PPFIA1: variants seen among roughly 807,000 people sequenced by gnomAD.
The protein encoded by PPFIA1 is liprin-alpha-1.
In PPFIA1, 25 loss-of-function variants were observed where a neutral mutation model predicts 149.9. That is an observed-to-expected ratio of 0.17 (90% CI 0.12 to 0.23). PPFIA1 has a LOEUF of 0.23. Ranked by LOEUF, PPFIA1 falls within the 10% of genes least tolerant of loss-of-function variation. The pLI is 1.00. For synonymous variants in PPFIA1, 549 were observed against 552.8 expected, an observed-to-expected ratio of 0.99 and a Z score of 0.10; for missense variants, 1,362 against 1,506.5, an observed-to-expected ratio of 0.90 and a Z score of 1.59.
intron 2 of PPFIA1, among the ~76,000 whole-genome samples, chr11:70,302,583 T>C (rs2052558997): frequency 1.3e-5 from 2 of 152,172 alleles, no homozygotes; most frequent in Non-Finnish European, 2.9e-5. Context: ...CGTTTTCTGG[T>C]AGGCAATGTC....
chr11:70,326,694 T>A lies in PPFIA1; in HGVS notation c.806T>A (p.Met269Lys). 1 of 1,614,044 alleles carries A rather than the reference T, an allele frequency of 6.2e-7. No homozygotes were observed. The highest frequency in any genetic ancestry group is 1.7e-5 in the Admixed American group (1 of 60,006). ...ISKQSREQSQ[M>K]KERLASLSSH... is the part of the protein sequence containing the mutation. ...AAGCAGTCAAGGGAACAGAGCCAAATGAAAGAACGCCTGGCTTCCCTTTCC... is the reference window on the plus strand; with the variant it reads ...AAGCAGTCAAGGGAACAGAGCCAAAAGAAAGAACGCCTGGCTTCCCTTTCC... The change falls in exon 7 of 28, where the codon ATG becomes AAG. Residue 269 changes from methionine (M) to lysine (K), a missense_variant. Physicochemically the swap from Met to Lys is moderately conservative, Grantham distance 95. This residue lies in a region of PPFIA1 where 733 missense variants were observed against 744.1 expected (regional missense o/e 0.99). Transcript: ENST00000253925.
At chr11:70,335,930 AAT>A (rs1484147335) in intron 11 of PPFIA1, among the ~76,000 whole-genome samples, 3 of 152,186 alleles carry the variant, frequency 2.0e-5, no homozygotes, top group African/African-American at 7.2e-5. Flanking sequence ...TATTCTCTAG[AAT>A]GAGAGTAGGT....
intron 17 of PPFIA1, among the ~76,000 whole-genome samples, chr11:70,354,922 T>C (rs995050821): frequency 2.0e-5 from 3 of 152,112 alleles, no homozygotes; most frequent in African/African-American, 4.8e-5. Flanking sequence ...TTGTTACTAG[T>C]ATGCTATCTA....
intron 16 of PPFIA1, among the ~76,000 whole-genome samples, chr11:70,351,497 T>G (rs1025888820): frequency 1.3e-5 from 2 of 152,148 alleles, no homozygotes; most frequent in African/African-American, 4.8e-5. Flanking sequence ...GATTTCAGAT[T>G]TGTTTAAATT....
At chr11:70,382,915 G>A (rs1218993656) in intron 27 of PPFIA1, 88 bp from the exon 28 acceptor site, 6 of 352,022 alleles carry the variant, frequency 1.7e-5, no homozygotes, top group Non-Finnish European at 3.2e-5. Flanking sequence ...GTGTCGGGGG[G>A]ACGTTTGGGC....
chr11:70,289,179 C>T (rs1308220125), intron 2 of PPFIA1, among the ~76,000 whole-genome samples: 2 of 151,846 alleles, frequency 1.3e-5, no homozygotes, highest in Non-Finnish European at 2.9e-5. Context: ...ACCATGTTGG[C>T]CAGACTGGTT....
intron 19 of PPFIA1, among the ~76,000 whole-genome samples, chr11:70,361,637 A>G (rs1311604066): frequency 5.4e-5 from 8 of 148,662 alleles, no homozygotes; most frequent in Non-Finnish European, 1.5e-5. Context: ...TTTTTTAGAG[A>G]TAGGGTCTCA....
intron 26 of PPFIA1, 189 bp downstream of exon 26, chr11:70,378,384 A>C: frequency 7.7e-7 from 1 of 1,294,108 alleles, no homozygotes; most frequent in East Asian, 3.0e-5. Flanking sequence ...CCATAATAAT[A>C]GAATTTTTAA....
chr11:70,350,832 T>C (rs182568254), intron 16 of PPFIA1, among the ~76,000 whole-genome samples: 5 of 152,234 alleles, frequency 3.3e-5, no homozygotes, highest in East Asian at 3.9e-4. Flanking sequence ...ATTTAAATTT[T>C]TTGGTGAAAA....
chr11:70,368,664 T>G (rs1203329202), intron 21 of PPFIA1, among the ~76,000 whole-genome samples: 1 of 152,258 alleles, frequency 6.6e-6, no homozygotes, highest in East Asian at 1.9e-4. Context: ...CAATTTTCAG[T>G]TCATTGCTAG....
intron 2 of PPFIA1, among the ~76,000 whole-genome samples, chr11:70,286,385 G>C (rs1673821866): frequency 6.6e-6 from 1 of 152,156 alleles, no homozygotes; most frequent in African/African-American, 2.4e-5. Flanking sequence ...CCAAGTAGCT[G>C]GGACTACAGG....
At chr11:70,348,499 A>C in intron 16 of PPFIA1, 79 bp downstream of exon 16, 1 of 1,128,054 alleles carries the variant, frequency 8.9e-7, no homozygotes, top group East Asian at 2.4e-5. Context: ...ATCTACCCAC[A>C]AGAAAATCAA....
chr11:70,345,272 G>A (rs563571564), intron 15 of PPFIA1, among the ~76,000 whole-genome samples: 25 of 148,262 alleles, frequency 1.7e-4, no homozygotes, highest in African/African-American at 5.5e-4. Context: ...ATCCCTGTAC[G>A]TCAGATGGTA....
At chr11:70,325,348 C>A in intron 4 of PPFIA1, 152 bp from the exon 5 acceptor site, 1 of 477,254 alleles carries the variant, frequency 2.1e-6, no homozygotes, top group Non-Finnish European at 3.6e-6. Context: ...GTTTTCTTGA[C>A]AGTAAGATCA....
At chr11:70,360,373 C>T (rs1242012211) in intron 19 of PPFIA1, among the ~76,000 whole-genome samples, 6 of 152,196 alleles carry the variant, frequency 3.9e-5, no homozygotes, top group South Asian at 2.1e-4. Context: ...TGTTAAAAAA[C>T]GAAGTCTCTG....
chr11:70,337,219 C>T, intron 11 of PPFIA1, 146 bp from the exon 12 acceptor site: 1 of 524,818 alleles, frequency 1.9e-6, no homozygotes, highest in Non-Finnish European at 3.4e-6. Flanking sequence ...CACGGTCTAA[C>T]CCTGGGACTA....
chr11:70,294,229 A>C (rs2051735182), intron 2 of PPFIA1, among the ~76,000 whole-genome samples: 1 of 152,202 alleles, frequency 6.6e-6, no homozygotes. Flanking sequence ...GGTGCGAGCC[A>C]CTGCACCTGG....
At chr11:70,330,660 G>A (rs556307475) in intron 8 of PPFIA1, among the ~76,000 whole-genome samples, 1 of 152,352 alleles carries the variant, frequency 6.6e-6, no homozygotes, top group Non-Finnish European at 1.5e-5. Flanking sequence ...TGAATAGTAT[G>A]ACAAATGAAG....
At chr11:70,286,923 CATAT>C (rs1192643134) in intron 2 of PPFIA1, among the ~76,000 whole-genome samples, 1 of 141,720 alleles carries the variant, frequency 7.1e-6, no homozygotes, top group Non-Finnish European at 1.5e-5. Context: ...TGTATACACA[CATAT>C]ATATACACAT....
Sources: gnomAD v4.1 joint callset for allele counts (sites outside exome capture counted in the v4.1 genomes callset) on GRCh38, gnomAD v4.1.1 for gene constraint, gnomAD v4.1.1 regional missense constraint, MANE v1.5 for transcripts, NCBI Gene and HGNC (gene_info 2026-07-23, HGNC 2026-07-21) for gene names.